Variants in MBNL1 observed in about 807,000 individuals in gnomAD.
The protein encoded by MBNL1 is muscleblind like splicing regulator 1.
Under a neutral mutation model 42.2 loss-of-function variants are expected in MBNL1, and 8 were observed. That is an observed-to-expected ratio of 0.19 (90% CI 0.11 to 0.34). The LOEUF is 0.34. Among genes scored for constraint, MBNL1 ranks in the 10% least tolerant of loss-of-function variants. MBNL1 has a pLI of 1.00. For missense variants in MBNL1, 309 were observed against 495.3 expected, an observed-to-expected ratio of 0.62 and a Z score of 3.57; for synonymous variants, 169 against 173.9, an observed-to-expected ratio of 0.97 and a Z score of 0.22.
In MBNL1 at chr3:152,464,788, C is replaced by T. The variant is rs67903230; in HGVS notation, c.*2422C>T. The T allele has an allele frequency of 0.073, 11,187 of 152,570 alleles. 555 individuals carry two copies. Among genetic ancestry groups the T allele is most frequent in the Non-Finnish European group, 0.11 (7,532 of 67,970 alleles). 9.5% of individuals were successfully genotyped at this position (152,570 alleles called of 1,614,324 possible). On this transcript the variant is annotated 3_prime_UTR_variant, in exon 10 of 10. Coordinates refer to ENST00000324210, the MANE Select transcript of MBNL1 (RefSeq NM_021038.5). ...TATGCTGCAATTTAGCATGTTGGAA[C>T]GTCTAGGGAGAAGGTTGACTTTTTG...
At position 152,340,694 on chromosome 3, in the gene MBNL1, A is replaced by G. The variant is rs1342931027; in HGVS notation, c.174+40327A>G. 5.0e-6 allele frequency: 8 copies of G among 1,613,942 alleles called. No homozygotes were observed. In the African/African-American group the frequency reaches 5.3e-5, roughly 11 times the overall value. ...TTCGCATAATACCTAGCAAGATCCC[A>G]GATGTAAACGGGAGAACTCAAATGT... On this transcript the variant is annotated intron_variant, in intron 2 of 9. Coordinates refer to ENST00000324210, the MANE Select transcript of MBNL1 (RefSeq NM_021038.5).
chr3:152,285,763 C>T lies in MBNL1; in HGVS notation c.-789-13642C>T, dbSNP rs934645234. ...TCAGCCTTCCAAGTAGCTTGTACTG[C>T]AGGCATGCACCACCATGCCTGGCTA... On this transcript the variant is annotated intron_variant, in intron 1 of 9. Transcript: ENST00000324210. Among the ~76,000 whole-genome samples, 42 of 151,572 alleles carry T rather than the reference C, an allele frequency of 2.8e-4. 1 individual carries two copies. Among genetic ancestry groups the T allele is most frequent in the Non-Finnish European group, 5.7e-4 (39 of 67,924 alleles).
intron 2 of MBNL1, among the ~76,000 whole-genome samples, chr3:152,335,831 C>A (rs377530287): frequency 2.0e-5 from 3 of 152,090 alleles, no homozygotes; most frequent in Admixed American, 1.3e-4. Context: ...ACGGTAAGAG[C>A]TATGTTTGGG....
At chr3:152,270,434 G>T (rs992731214) in intron 1 of MBNL1, among the ~76,000 whole-genome samples, 3 of 152,174 alleles carry the variant, frequency 2.0e-5, no homozygotes, top group Non-Finnish European at 4.4e-5. Context: ...TACACAGAGG[G>T]TGTTTAGTAC....
intron 2 of MBNL1, among the ~76,000 whole-genome samples, chr3:152,387,511 A>G (rs2097500291): frequency 6.6e-6 from 1 of 152,172 alleles, no homozygotes; most frequent in Non-Finnish European, 1.5e-5. Flanking sequence ...TCATGTAGTC[A>G]AGGACCAAAA....
chr3:152,408,423 G>T (rs904519016), intron 2 of MBNL1, among the ~76,000 whole-genome samples: 1 of 152,140 alleles, frequency 6.6e-6, no homozygotes, highest in East Asian at 1.9e-4. Context: ...GCTCTTAAGA[G>T]TTTATTCAAA....
intron 2 of MBNL1, among the ~76,000 whole-genome samples, chr3:152,330,932 T>C (rs115145566): frequency 0.013 from 1,946 of 152,302 alleles, 21 homozygotes; most frequent in South Asian, 0.023. Flanking sequence ...TTATCTACTA[T>C]ATACAGTCAG....
At chr3:152,391,614 T>C (rs1461163832) in intron 2 of MBNL1, among the ~76,000 whole-genome samples, 1 of 152,216 alleles carries the variant, frequency 6.6e-6, no homozygotes, top group African/African-American at 2.4e-5. Flanking sequence ...TAATTCTACA[T>C]GCTTCTTTAT....
intron 2 of MBNL1, among the ~76,000 whole-genome samples, chr3:152,379,776 T>C (rs983013940): frequency 2.6e-5 from 4 of 152,132 alleles, no homozygotes; most frequent in Admixed American, 1.3e-4. Context: ...GCATTTTTTT[T>C]CCCTTTAGTT....
intron 2 of MBNL1, among the ~76,000 whole-genome samples, chr3:152,318,047 G>A (rs1376032623): frequency 6.6e-6 from 1 of 152,192 alleles, no homozygotes; most frequent in South Asian, 2.1e-4. Flanking sequence ...AATTGGGTGT[G>A]TTGTTACAGG....
At chr3:152,338,763 A>G (rs1341622920) in intron 2 of MBNL1, 1 of 889,856 alleles carries the variant, frequency 1.1e-6, no homozygotes, top group Non-Finnish European at 1.3e-6. Flanking sequence ...TAGTTAAAGA[A>G]TGTCCTTGGG....
At chr3:152,399,145 A>G (rs1045421141) in intron 2 of MBNL1, among the ~76,000 whole-genome samples, 1 of 152,162 alleles carries the variant, frequency 6.6e-6, no homozygotes, top group Non-Finnish European at 1.5e-5. Flanking sequence ...CCACTGTCCC[A>G]TAGCACAGAG....
intron 2 of MBNL1, chr3:152,335,279 G>A (rs888183229): frequency 7.8e-7 from 1 of 1,289,434 alleles, no homozygotes. Flanking sequence ...ATACCATTTG[G>A]GTAGGCCTGC....
chr3:152,382,608 C>T (rs566512424), intron 2 of MBNL1, among the ~76,000 whole-genome samples: 1 of 152,178 alleles, frequency 6.6e-6, no homozygotes, highest in South Asian at 2.1e-4. Context: ...AATATGTATC[C>T]CAGGCAATTA....
upstream of MBNL1, chr3:152,268,900 C>A (rs1237748400): frequency 8.8e-6 from 4 of 454,690 alleles, no homozygotes; most frequent in Non-Finnish European, 1.3e-5. Flanking sequence ...CAGACCTCGG[C>A]GATAAGAGGC....
At chr3:152,382,081 A>C (rs1050385662) in intron 2 of MBNL1, among the ~76,000 whole-genome samples, 1 of 152,076 alleles carries the variant, frequency 6.6e-6, no homozygotes, top group African/African-American at 2.4e-5. Context: ...AGGTATATTT[A>C]GACTTGTTTA....
intron 1 of MBNL1, among the ~76,000 whole-genome samples, chr3:152,279,642 T>G (rs928802438): frequency 6.6e-6 from 1 of 152,194 alleles, no homozygotes; most frequent in African/African-American, 2.4e-5. Context: ...AGATATGGTA[T>G]GGAGTTGCAG....
At chr3:152,305,814 G>A (rs1367380340) in intron 2 of MBNL1, among the ~76,000 whole-genome samples, 1 of 152,166 alleles carries the variant, frequency 6.6e-6, no homozygotes. Flanking sequence ...TATACTAACA[G>A]CAACTACAGA....
intron 1 of MBNL1, among the ~76,000 whole-genome samples, chr3:152,293,323 T>C (rs1018666277): frequency 7.2e-5 from 11 of 152,230 alleles, no homozygotes; most frequent in African/African-American, 2.7e-4. Flanking sequence ...TCTTCCCATA[T>C]AATGTATAAC....
Sources: gnomAD v4.1 joint callset for allele counts (sites outside exome capture counted in the v4.1 genomes callset) on GRCh38, gnomAD v4.1.1 for gene constraint, MANE v1.5 for transcripts, NCBI Gene and HGNC (gene_info 2026-07-23, HGNC 2026-07-21) for gene names.